SCN8A: variants seen among roughly 807,000 people sequenced by gnomAD.
SCN8A encodes sodium voltage-gated channel alpha subunit 8, also known as sodium channel protein type 8 subunit alpha.
In SCN8A, 30 loss-of-function variants were observed where a neutral mutation model predicts 184.1. The observed-to-expected ratio is 0.16, with a 90% confidence interval of 0.12 to 0.22. The LOEUF (loss-of-function observed/expected upper bound fraction) is 0.22, where lower values mean the gene tolerates loss of function less well. Ranked by LOEUF, SCN8A falls within the 10% of genes least tolerant of loss-of-function variation. The pLI is 1.00. For synonymous variants in SCN8A, 852 were observed against 907.0 expected, an observed-to-expected ratio of 0.94 and a Z score of 1.09; for missense variants, 1,057 against 2,498.9, an observed-to-expected ratio of 0.42 and a Z score of 12.30.
At chr12:51,670,452 T>C (rs1361396034) in intron 2 of SCN8A, among the ~76,000 whole-genome samples, 20 of 152,124 alleles carry the variant, frequency 1.3e-4, no homozygotes, top group Admixed American at 6.5e-4. Context: ...CCAGGTCATC[T>C]AATTTGATTG....
At chr12:51,749,639 G>A (rs989584605) in intron 13 of SCN8A, among the ~76,000 whole-genome samples, 14 of 152,040 alleles carry the variant, frequency 9.2e-5, no homozygotes, top group South Asian at 2.1e-4. Context: ...CCCACGTGGC[G>A]CTTACAGGGG....
intron 11 of SCN8A, chr12:51,713,252 G>C (rs1431792344): frequency 8.8e-7 from 1 of 1,135,654 alleles, no homozygotes; most frequent in Non-Finnish European, 1.3e-6. Context: ...TGGGCACCAG[G>C]CTTCACAGAA....
chr12:51,597,384 T>C (rs561088852), intron 1 of SCN8A, among the ~76,000 whole-genome samples: 46 of 152,152 alleles, frequency 3.0e-4, no homozygotes, highest in Non-Finnish European at 6.0e-4. Context: ...TAGTTTTTTG[T>C]GCTATAAATT....
At chr12:51,718,784 C>T (rs1456000598) in intron 11 of SCN8A, among the ~76,000 whole-genome samples, 1 of 150,376 alleles carries the variant, frequency 6.6e-6, no homozygotes, top group African/African-American at 2.4e-5. Context: ...ATCATTTCAA[C>T]CATCTATTGG....
chr12:51,773,264 C>T (rs1024043217), intron 19 of SCN8A, among the ~76,000 whole-genome samples: 9 of 152,218 alleles, frequency 5.9e-5, no homozygotes, highest in African/African-American at 2.2e-4. Flanking sequence ...TCCTCCCCAC[C>T]TCCACAGGTT....
At chr12:51,780,591 T>TGTTTTC in intron 20 of SCN8A, 58 bp from the exon 21 acceptor site, 1 of 333,582 alleles carries the variant, frequency 3.0e-6, no homozygotes, top group Non-Finnish European at 5.0e-6. Context: ...TTTTTTTTTT[T>TGTTTTC]TTTTTTTTTT....
intron 5 of SCN8A, among the ~76,000 whole-genome samples, chr12:51,687,618 C>T (rs751624487): frequency 3.9e-5 from 6 of 151,968 alleles, no homozygotes; most frequent in African/African-American, 7.3e-5. Context: ...TATGTCTTAC[C>T]GTATGTAATT....
chr12:51,723,864 G>T (rs1014731311), intron 12 of SCN8A, among the ~76,000 whole-genome samples: 1 of 150,980 alleles, frequency 6.6e-6, no homozygotes, highest in South Asian at 2.1e-4. Flanking sequence ...AAAAAAATCT[G>T]TAAGGGTGAC....
chr12:51,748,427 T>G (rs1386268103), intron 13 of SCN8A, among the ~76,000 whole-genome samples: 2 of 152,046 alleles, frequency 1.3e-5, no homozygotes, highest in Non-Finnish European at 2.9e-5. Flanking sequence ...ATCCAGCACA[T>G]TTAGTAGAGT....
intron 11 of SCN8A, 61 bp downstream of exon 11, chr12:51,706,776 GTATATGTATATTATACCA>G: frequency 8.5e-7 from 1 of 1,170,964 alleles, no homozygotes. Context: ...GGTAAAATGT[GTATATGTATATTATACCA>G]TCTTTACCAT....
At chr12:51,756,739 G>A (rs1437893303) in intron 14 of SCN8A, among the ~76,000 whole-genome samples, 3 of 152,142 alleles carry the variant, frequency 2.0e-5, no homozygotes, top group Non-Finnish European at 4.4e-5. Context: ...TCTCCTTGCT[G>A]GGCCGTGCCC....
chr12:51,689,228 A>T, intron 6 of SCN8A, 132 bp downstream of exon 6: 2 of 748,904 alleles, frequency 2.7e-6, no homozygotes, highest in Non-Finnish European at 4.4e-6. Flanking sequence ...TTCCTGGGAG[A>T]CATTCTCTGG....
chr12:51,704,905 G>A (rs929620086), intron 9 of SCN8A, among the ~76,000 whole-genome samples: 1 of 152,058 alleles, frequency 6.6e-6, no homozygotes, highest in Non-Finnish European at 1.5e-5. Flanking sequence ...AACCTGGGAG[G>A]CAGAGGTTGC....
At chr12:51,726,219 C>T (rs1038444665) in intron 12 of SCN8A, among the ~76,000 whole-genome samples, 31 of 152,160 alleles carry the variant, frequency 2.0e-4, no homozygotes, top group South Asian at 2.1e-4. Context: ...CTTTTTCCTG[C>T]GTCTCCATCT....
chr12:51,599,718 G>C (rs144288771), intron 1 of SCN8A, among the ~76,000 whole-genome samples: 1 of 152,258 alleles, frequency 6.6e-6, no homozygotes, highest in African/African-American at 2.4e-5. Context: ...TTGGCTCTTT[G>C]ATTTGTCCCA....
At chr12:51,671,859 GA>G in intron 2 of SCN8A, among the ~76,000 whole-genome samples, 1 of 152,104 alleles carries the variant, frequency 6.6e-6, no homozygotes, top group Non-Finnish European at 1.5e-5. Flanking sequence ...AAGAATTTTT[GA>G]TACAAGCTCT....
rs1186875917 is a variant in SCN8A at position 51,790,505 on chromosome 12, A to G, written c.4524+3A>G. On this transcript the variant is annotated splice_donor_region_variant and intron_variant, in intron 25 of 26. Coordinates refer to ENST00000627620, the MANE Select transcript of SCN8A (RefSeq NM_001330260.2). ...AGAAACCTATTCCCCGCCCCTTGGT[A>G]AGTGCATTGTGCAGGCTGAGGCCTT... 2 of 1,597,912 alleles carry G rather than the reference A, an allele frequency of 1.3e-6. No homozygotes were observed. The highest frequency in any genetic ancestry group is 1.7e-6 in the Non-Finnish European group (2 of 1,167,060).
intron 4 of SCN8A, 76 bp downstream of exon 4, chr12:51,686,533 A>G (rs919103514): frequency 2.0e-6 from 2 of 1,009,836 alleles, no homozygotes; most frequent in Non-Finnish European, 3.1e-6. Context: ...GCCACAGTTT[A>G]CCCATCAAGG....
intron 5 of SCN8A, 109 bp downstream of exon 5, chr12:51,687,328 A>G: frequency 6.3e-6 from 8 of 1,266,078 alleles, no homozygotes; most frequent in Middle Eastern, 1.9e-4. Context: ...TGTATGAGGA[A>G]TTAATGGATA....
Sources: allele counts gnomAD v4.1 joint callset (sites outside exome capture counted in the v4.1 genomes callset), GRCh38; gene constraint gnomAD v4.1.1; transcripts MANE v1.5; gene names NCBI Gene and HGNC (gene_info 2026-07-23, HGNC 2026-07-21).